SPTLC1: variants seen among roughly 807,000 people sequenced by gnomAD.
SPTLC1 encodes the protein serine palmitoyltransferase long chain base subunit 1, also known as serine palmitoyltransferase 1.
In SPTLC1, 55 loss-of-function variants were observed where a neutral mutation model predicts 68.9. The observed-to-expected ratio is 0.80, with a 90% CI of 0.64 to 1.00. The LOEUF is 1.00. Ranked by LOEUF, SPTLC1 falls within the 50% of genes least tolerant of loss-of-function variation. The probability of loss-of-function intolerance (pLI) is 0.00; values close to 1 mark genes in which losing one functional copy is unlikely to be tolerated. For synonymous variants in SPTLC1, 197 were observed against 201.6 expected, an observed-to-expected ratio of 0.98 and a Z score of 0.19; for missense variants, 449 against 573.1, an observed-to-expected ratio of 0.78 and a Z score of 2.21.
intron 5 of SPTLC1, among the ~76,000 whole-genome samples, chr9:92,078,816 T>C (rs1370258982): frequency 2.0e-5 from 3 of 152,238 alleles, no homozygotes; most frequent in Admixed American, 6.5e-5. Context: ...GTAGGATTCC[T>C]GGACACTACT....
intron 3 of SPTLC1, among the ~76,000 whole-genome samples, chr9:92,090,570 C>T (rs938305124): frequency 2.0e-5 from 3 of 151,712 alleles, no homozygotes; most frequent in African/African-American, 7.3e-5. Flanking sequence ...TGAGACGGTG[C>T]CACTGCATTC....
At chr9:92,070,532 C>A (rs1326702274) in intron 5 of SPTLC1, among the ~76,000 whole-genome samples, 1 of 152,212 alleles carries the variant, frequency 6.6e-6, no homozygotes, top group Non-Finnish European at 1.5e-5. Flanking sequence ...CAGCCCTCAG[C>A]ACTTTCTTGC....
intron 3 of SPTLC1, among the ~76,000 whole-genome samples, chr9:92,102,742 A>G (rs1835802083): frequency 6.6e-6 from 1 of 152,258 alleles, no homozygotes; most frequent in African/African-American, 2.4e-5. Flanking sequence ...ATAAAAAAAG[A>G]AACAAAAGAT....
At chr9:92,045,035 A>G (rs1039987195) in intron 12 of SPTLC1, among the ~76,000 whole-genome samples, 1 of 152,224 alleles carries the variant, frequency 6.6e-6, no homozygotes, top group Admixed American at 6.5e-5. Flanking sequence ...TCACAAACCA[A>G]TGGAACTGGA....
intron 9 of SPTLC1, among the ~76,000 whole-genome samples, chr9:92,049,156 C>CTTTA (rs1833619481): frequency 1.3e-5 from 2 of 152,160 alleles, no homozygotes; most frequent in South Asian, 4.1e-4. Flanking sequence ...ATTCACTCTG[C>CTTTA]TTTACATTTT....
intron 5 of SPTLC1, among the ~76,000 whole-genome samples, chr9:92,077,368 G>A (rs544657092): frequency 2.6e-5 from 4 of 152,176 alleles, no homozygotes; most frequent in South Asian, 2.1e-4. Flanking sequence ...GTCAGTTCTT[G>A]TTAAGAACCT....
At chr9:92,110,157 G>A (rs1173778649) in intron 2 of SPTLC1, 1 of 152,166 alleles carries the variant, frequency 6.6e-6, no homozygotes, top group Non-Finnish European at 1.5e-5. Context: ...GACAAAGTCT[G>A]AAAAAGAGTA....
At chr9:92,113,794 CGGTGATATTAAGTTT>C (rs1407349085) in intron 1 of SPTLC1, among the ~76,000 whole-genome samples, 1 of 152,106 alleles carries the variant, frequency 6.6e-6, no homozygotes, top group Non-Finnish European at 1.5e-5. Flanking sequence ...TACCAGTAGA[CGGTGATATTAAGTTT>C]GGTGATATTA....
In SPTLC1 at chr9:92,108,844, A is replaced by G; in HGVS notation, c.166-10T>C. The G allele has an allele frequency of 3.8e-6, 6 of 1,567,358 alleles. No homozygotes were observed. The highest frequency in any genetic ancestry group is 5.2e-6 in the Non-Finnish European group (6 of 1,147,934). On this transcript the variant is annotated splice_polypyrimidine_tract_variant and intron_variant, in intron 2 of 14. Coordinates refer to ENST00000262554, the MANE Select transcript of SPTLC1 (RefSeq NM_006415.4). ...TCAGTTCTTCTTTTTCCTACAGGAGAAAAAGAATTAAAATACAGTGCAGTG... is the reference window on the plus strand; with the variant it reads ...TCAGTTCTTCTTTTTCCTACAGGAGGAAAAGAATTAAAATACAGTGCAGTG...
Position 92,049,822 on chromosome 9 carries a change from G to A in SPTLC1, c.888+138C>T, listed in dbSNP as rs777983821. On this transcript the variant is annotated intron_variant, in intron 9 of 14. Transcript: ENST00000262554. ...ACTAGACTCATCCTGGGCTCACTGA[G>A]GTGACAGACACCAAAGTTTCGTGAC... is the stretch of plus-strand genomic sequence containing the variant. 1.5e-4 allele frequency: 109 copies of A among 719,418 alleles called. 3 individuals are homozygous for A. The South Asian group carries it at 1.6e-3, about 11-fold the overall frequency. 44.6% of individuals were successfully genotyped at this position (719,418 alleles called of 1,614,324 possible).
At chr9:92,107,612 C>T (rs1417670214) in intron 3 of SPTLC1, among the ~76,000 whole-genome samples, 1 of 152,170 alleles carries the variant, frequency 6.6e-6, no homozygotes, top group African/African-American at 2.4e-5. Flanking sequence ...ATTAGCCGGG[C>T]ATGGCAGCAT....
chr9:92,082,547 T>C (rs1202739974), intron 3 of SPTLC1, among the ~76,000 whole-genome samples: 1 of 151,582 alleles, frequency 6.6e-6, no homozygotes, highest in Non-Finnish European at 1.5e-5. Context: ...ATTTCATCCA[T>C]GTCCCTACAA....
In SPTLC1 at chr9:92,050,678, C is replaced by G. The variant is rs559736317; in HGVS notation, c.781-611G>C. ...AACCTAACCCTATTATTTGCCCTAG[C>G]AGCAATAGTTTAGTATTTCTTATTC... On this transcript the variant is annotated intron_variant, in intron 8 of 14. Coordinates refer to ENST00000262554, the MANE Select transcript of SPTLC1 (RefSeq NM_006415.4). Among the ~76,000 whole-genome samples the G allele has an allele frequency of 7.9e-5, 12 of 152,252 alleles. No individual in the cohort carries two copies. The South Asian group carries it at 2.5e-3, about 32-fold the overall frequency.
intron 3 of SPTLC1, among the ~76,000 whole-genome samples, chr9:92,086,375 T>A (rs1197314591): frequency 6.6e-6 from 1 of 152,260 alleles, no homozygotes; most frequent in Non-Finnish European, 1.5e-5. Flanking sequence ...TTGCAGTGAC[T>A]GGTACCGGTT....
At chr9:92,040,282 A>G (rs1833294981) in intron 12 of SPTLC1, among the ~76,000 whole-genome samples, 1 of 152,002 alleles carries the variant, frequency 6.6e-6, no homozygotes, top group Admixed American at 6.6e-5. Context: ...AGGTAGTACA[A>G]TCGCTTGAAC....
intron 8 of SPTLC1, 59 bp from the exon 9 acceptor site, chr9:92,050,126 G>A (rs775707590): frequency 5.9e-4 from 662 of 1,115,620 alleles, no homozygotes; most frequent in Non-Finnish European, 8.2e-4. Flanking sequence ...ACATATTATG[G>A]AGAAAAAAAT....
rs776863020 is a variant in SPTLC1 at position 92,080,059 on chromosome 9, A to G, written c.384T>C (p.Tyr128=). Residue 128 remains tyrosine, a synonymous_variant, in exon 5 of 15, where the codon TAT becomes TAC. Coordinates refer to ENST00000262554, the MANE Select transcript of SPTLC1 (RefSeq NM_006415.4). ...CTCTGGGTCCACAAGTCCCCACGCC[A>G]TACTTCTTTAGAGATGCTAAAGCTG... ...KAAALASLKK[Y]GVGTCGPRGF... 22 of 1,614,118 alleles carry G rather than the reference A, an allele frequency of 1.4e-5. No homozygotes were observed. Among genetic ancestry groups the G allele is most frequent in the Non-Finnish European group, 1.9e-5 (22 of 1,179,970 alleles).
chr9:92,056,114 C>T (rs572396637), intron 7 of SPTLC1, among the ~76,000 whole-genome samples: 2 of 152,280 alleles, frequency 1.3e-5, no homozygotes, highest in South Asian at 4.1e-4. Context: ...TTTCCTTCAC[C>T]TCCCAAAAAA....
chr9:92,113,211 A>C (rs1836310624), intron 1 of SPTLC1, among the ~76,000 whole-genome samples: 1 of 152,218 alleles, frequency 6.6e-6, no homozygotes, highest in African/African-American at 2.4e-5. Context: ...GACTACTCAA[A>C]TTCTACATTC....
Sources: gnomAD v4.1 joint callset for allele counts (sites outside exome capture counted in the v4.1 genomes callset) on GRCh38, gnomAD v4.1.1 for gene constraint, MANE v1.5 for transcripts, NCBI Gene and HGNC (gene_info 2026-07-23, HGNC 2026-07-21) for gene names.